The following HOXA13 variants were observed in gnomAD, a reference collection of about 807,000 sequenced individuals.
HOXA13 encodes the protein homeobox protein Hox-A13.
HOXA13 carries 5 observed loss-of-function variants against 25.7 expected under a neutral mutation model. The observed-to-expected ratio is 0.19, with a 90% CI of 0.10 to 0.41. HOXA13 has a LOEUF of 0.41. HOXA13 is among the 10% of genes least tolerant of loss of function. HOXA13 has a pLI of 1.00. For synonymous variants in HOXA13, 284 were observed against 241.1 expected, an observed-to-expected ratio of 1.18 and a Z score of -1.65; for missense variants, 557 against 533.5, an observed-to-expected ratio of 1.04 and a Z score of -0.43.
rs1485061463 is a variant in HOXA13, at chr7:27,197,177, A to G, written c.*1021T>C. On this transcript the variant is annotated 3_prime_UTR_variant, in exon 2 of 2. Transcript: ENST00000649031. ...AAAATACTAATCCCTTAATAGATCA[A>G]AATATAGAATATAGACACCTAAATA... 4 of 206,908 alleles carry G rather than the reference A, an allele frequency of 1.9e-5. No individual in the cohort carries two copies. The highest frequency in any genetic ancestry group is 4.0e-5 in the Non-Finnish European group (4 of 101,262). The allele number at this position is 206,908 out of a possible 1,614,324, so 12.8% of individuals were successfully genotyped here. A position where few individuals can be genotyped will look rare whatever the true frequency, so the allele number is the denominator to read the frequency against.
chr7:27,200,088 G>T lies in HOXA13; in HGVS notation c.-11C>A, dbSNP rs765550223. ...CACGGAGGCTGTCATAGCCCGAGCC[G>T]CATGGAGAAGACCCCAGTGGCGCTG... On this transcript the variant is annotated 5_prime_UTR_variant, in exon 1 of 2. Transcript: ENST00000649031. 6.2e-6 allele frequency: 9 copies of T among 1,445,462 alleles called. No homozygotes were observed. Among genetic ancestry groups the T allele is most frequent in the East Asian group, 6.1e-5 (2 of 32,900 alleles). The allele number at this position is 1,445,462 out of a possible 1,614,324, so 89.5% of individuals were successfully genotyped here. A position where few individuals can be genotyped will look rare whatever the true frequency, so the allele number is the denominator to read the frequency against.
At position 27,199,884 on chromosome 7, in the gene HOXA13, G is replaced by A. The variant is rs1784072258; in HGVS notation, c.194C>T (p.Ala65Val). 8 of 1,067,612 alleles carry A rather than the reference G, an allele frequency of 7.5e-6. No homozygotes were observed. Among genetic ancestry groups the A allele is most frequent in the Non-Finnish European group, 9.1e-6 (8 of 879,880 alleles). The allele number at this position is 1,067,612 out of a possible 1,614,324, so 66.1% of individuals were successfully genotyped here. A position where few individuals can be genotyped will look rare whatever the true frequency, so the allele number is the denominator to read the frequency against. ...CGCCACCGAGAAGTTGCCCCCTGCC[G>A]CCGCAGCCGCCGGGTGGGGGAAGCC... ...GGGFPHPAAAAAGGNFSVAAA... is the reference protein window; with the variant it reads ...GGGFPHPAAAVAGGNFSVAAA... The change falls in exon 1 of 2, where the codon GCG becomes GTG. Residue 65 changes from alanine (A) to valine (V), a missense_variant. Coordinates refer to ENST00000649031, the MANE Select transcript of HOXA13 (RefSeq NM_000522.5).
rs1562520038 is a variant in HOXA13, at chr7:27,196,852, GTAAAGAGTA to G, written c.*1337_*1345del. The G allele has an allele frequency of 5.7e-6, 1 of 175,940 alleles. No individual in the cohort carries two copies. The highest frequency in any genetic ancestry group is 1.2e-5 in the Non-Finnish European group (1 of 81,300). 10.9% of individuals were successfully genotyped at this position (175,940 alleles called of 1,614,324 possible). A position where few individuals can be genotyped will look rare whatever the true frequency, so the allele number is the denominator to read the frequency against. Reference sequence around the variant, plus strand: ...TGCAGTGCACATTTAGCATAGGAAAGTAAAGAGTATTTTCTGCAGATTTTAATGGCAGTG... The same window carrying G: ...TGCAGTGCACATTTAGCATAGGAAAGTTTTCTGCAGATTTTAATGGCAGTG... On this transcript the variant is annotated 3_prime_UTR_variant, in exon 2 of 2. Coordinates refer to ENST00000649031, the MANE Select transcript of HOXA13 (RefSeq NM_000522.5).
Position 27,199,481 on chromosome 7 carries a change from C to A in HOXA13, c.597G>T (p.Ser199=), listed in dbSNP as rs35255035. Residue 199 remains serine (S), a synonymous_variant, in exon 1 of 2, where the codon TCG becomes TCT. Coordinates refer to ENST00000649031, the MANE Select transcript of HOXA13 (RefSeq NM_000522.5). ...CCGCGAAGGCGGCGGCGGCGGCGGC[C>A]GAGGCGGGCTGCGCGCACGACTTGA... ...NAIKSCAQPA[S]AAAAAAFADK... 6.2e-7 allele frequency: 1 copy of A among 1,607,962 alleles called. No homozygotes were observed. The highest frequency in any genetic ancestry group is 2.2e-5 in the East Asian group (1 of 44,634).
In HOXA13 at chr7:27,198,349, C is replaced by T. The variant is rs2115471340; in HGVS notation, c.1016G>A (p.Arg339Gln). 1 of 1,614,188 alleles carries T rather than the reference C, an allele frequency of 6.2e-7. No individual in the cohort carries two copies. Among genetic ancestry groups the T allele is most frequent in the Non-Finnish European group, 8.5e-7 (1 of 1,180,042 alleles). ...YTKVQLKELEREYATNKFITK... is the reference protein window; with the variant it reads ...YTKVQLKELEQEYATNKFITK... The stretch of plus-strand genomic sequence containing the variant: ...AATGAATTTATTCGTGGCGTATTCC[C>T]GTTCAAGTTCTTTTAATTGCACCTT... The change falls in exon 2 of 2, where the codon CGG becomes CAG. Residue 339 changes from arginine (R) to glutamine (Q), a missense_variant. Physicochemically the swap from Arg to Gln is conservative, Grantham distance 43. Transcript: ENST00000649031.
Position 27,199,897 on chromosome 7 carries a change from G to A in HOXA13, c.181C>T (p.Pro61Ser). The change falls in exon 1 of 2, where the codon CCG (proline) becomes TCG (serine). Residue 61 changes from proline (P) to serine (S), a missense_variant. Physicochemically the swap from Pro to Ser is moderately conservative, Grantham distance 74 (BLOSUM62 -1). Coordinates refer to ENST00000649031, the MANE Select transcript of HOXA13 (RefSeq NM_000522.5). ...TTGCCCCCTGCCGCCGCAGCCGCCGGGTGGGGGAAGCCCCCGCCCCCGGCC... is the reference window on the plus strand; with the variant it reads ...TTGCCCCCTGCCGCCGCAGCCGCCGAGTGGGGGAAGCCCCCGCCCCCGGCC... The part of the protein sequence containing the change: ...AGAGGGGFPH[P>S]AAAAAGGNFS... 1 of 1,104,770 alleles carries A rather than the reference G, an allele frequency of 9.1e-7. No homozygotes were observed. The highest frequency in any genetic ancestry group is 1.1e-6 in the Non-Finnish European group (1 of 903,032). 68.4% of individuals were successfully genotyped at this position (1,104,770 alleles called of 1,614,324 possible).
In HOXA13 at chr7:27,199,307, G is replaced by T; in HGVS notation, c.771C>A (p.Gly257=). Reference sequence around the variant, plus strand: ...GGCGCGACTCGCCGGGGCCCCCGAGGCCCGGCACCACTGGCATATCCAGGT... The same window carrying T: ...GGCGCGACTCGCCGGGGCCCCCGAGTCCCGGCACCACTGGCATATCCAGGT... ...PGYLDMPVVP[G]LGGPGESRHE... is the part of the protein sequence containing the mutation. The change falls in exon 1 of 2, where the codon GGC becomes GGA. Residue 257 remains glycine (G), a synonymous_variant. Coordinates refer to ENST00000649031, the MANE Select transcript of HOXA13 (RefSeq NM_000522.5). The T allele has an allele frequency of 6.2e-7, 1 of 1,614,072 alleles. No individual in the cohort carries two copies. The highest frequency in any genetic ancestry group is 8.5e-7 in the Non-Finnish European group (1 of 1,180,008).
rs1304218121 is a variant in HOXA13 at position 27,195,127 on chromosome 7, G to A, written c.*3071C>T. 2 of 152,144 alleles carry A rather than the reference G, an allele frequency of 1.3e-5. No homozygotes were observed. Among genetic ancestry groups the A allele is most frequent in the Non-Finnish European group, 2.9e-5 (2 of 68,028 alleles). The allele number at this position is 152,144 out of a possible 1,614,324, so 9.4% of individuals were successfully genotyped here. On this transcript the variant is annotated 3_prime_UTR_variant, in exon 2 of 2. Transcript: ENST00000649031. ...CCACAAGTGGAGTGAAAATCCTCAG[G>A]GCAGCAAAATATAATTGAATTTCTC...
At chr7:27,198,539 G>C in intron 1 of HOXA13, 97 bp from the exon 2 acceptor site, 2 of 1,442,380 alleles carry the variant, frequency 1.4e-6, no homozygotes, top group South Asian at 1.2e-5. Flanking sequence ...GCAGCGCCCG[G>C]CTGCTCTTTG....
At position 27,199,983 on chromosome 7, in the gene HOXA13, T is replaced by C. The variant is rs1784075022; in HGVS notation, c.95A>G (p.Asn32Ser). The C allele has an allele frequency of 1.4e-6, 2 of 1,458,742 alleles. No individual in the cohort carries two copies. The highest frequency in any genetic ancestry group is 1.8e-6 in the Non-Finnish European group (2 of 1,090,682). The allele number at this position is 1,458,742 out of a possible 1,614,324, so 90.4% of individuals were successfully genotyped here. A position where few individuals can be genotyped will look rare whatever the true frequency, so the allele number is the denominator to read the frequency against. ...CGCCGCCGCCCCTTCCATGTTCTTG[T>C]TGAGCTCGTCGGCCACCAGGCCGCC... ...NGGGLVADEL[N>S]KNMEGAAAAA... Residue 32 changes from asparagine (N) to serine (S), a missense_variant, in exon 1 of 2, where the codon AAC becomes AGC. By Grantham distance (46) the Asn-to-Ser change is conservative. Coordinates refer to ENST00000649031, the MANE Select transcript of HOXA13 (RefSeq NM_000522.5).
rs549666985 is a variant in HOXA13 at position 27,197,128 on chromosome 7, C to T, written c.*1070G>A. The T allele has an allele frequency of 1.0e-4, 21 of 208,098 alleles. No individual in the cohort carries two copies. Among genetic ancestry groups the T allele is most frequent in the African/African-American group, 4.1e-4 (18 of 44,034 alleles). 12.9% of individuals were successfully genotyped at this position (208,098 alleles called of 1,614,324 possible). On this transcript the variant is annotated 3_prime_UTR_variant, in exon 2 of 2. Coordinates refer to ENST00000649031, the MANE Select transcript of HOXA13 (RefSeq NM_000522.5). ...ATGAATCACTAATCTTTCTAATGCA[C>T]TCTGATAACACAATAAACATGGAAA...
Position 27,199,889 on chromosome 7 carries a change from A to G in HOXA13, c.189T>C (p.Ala63=). Residue 63 remains alanine (A), a synonymous_variant, in exon 1 of 2, where the codon GCT becomes GCC. Transcript: ENST00000649031. Reference sequence around the variant, plus strand: ...CCGAGAAGTTGCCCCCTGCCGCCGCAGCCGCCGGGTGGGGGAAGCCCCCGC... The same window carrying G: ...CCGAGAAGTTGCCCCCTGCCGCCGCGGCCGCCGGGTGGGGGAAGCCCCCGC... ...AGGGGFPHPA[A]AAAGGNFSVA... is the part of the protein sequence containing the mutation. 9.4e-7 allele frequency: 1 copy of G among 1,068,638 alleles called. No homozygotes were observed. 66.2% of individuals were successfully genotyped at this position (1,068,638 alleles called of 1,614,324 possible).
In HOXA13 at chr7:27,196,101, T is replaced by C. The variant is rs1784001364; in HGVS notation, c.*2097A>G. On this transcript the variant is annotated 3_prime_UTR_variant, in exon 2 of 2. Coordinates refer to ENST00000649031, the MANE Select transcript of HOXA13 (RefSeq NM_000522.5). ...CCTCAATTCTAGAAATCACCTTAAATTACAATATCTTGCGTCATTAGCAAT... is the reference window on the plus strand; with the variant it reads ...CCTCAATTCTAGAAATCACCTTAAACTACAATATCTTGCGTCATTAGCAAT... 1 of 152,228 alleles carries C rather than the reference T, an allele frequency of 6.6e-6. No homozygotes were observed. The highest frequency in any genetic ancestry group is 2.4e-5 in the African/African-American group (1 of 41,454). The allele number at this position is 152,228 out of a possible 1,614,324, so 9.4% of individuals were successfully genotyped here.
chr7:27,198,593 C>T, intron 1 of HOXA13, 151 bp from the exon 2 acceptor site: 1 of 885,638 alleles, frequency 1.1e-6, no homozygotes, highest in East Asian at 2.6e-5. Context: ...CCTAGAGGGT[C>T]AGTGGGGAAG....
rs531357148 is a variant in HOXA13 at position 27,196,384 on chromosome 7, C to T, written c.*1814G>A. On this transcript the variant is annotated 3_prime_UTR_variant, in exon 2 of 2. Transcript: ENST00000649031. Reference sequence around the variant, plus strand: ...AGGCTTGTCAACGCGAGGTGGCGCCCTTGATCTACTAATCCAGCTAAGGCC... The same window carrying T: ...AGGCTTGTCAACGCGAGGTGGCGCCTTTGATCTACTAATCCAGCTAAGGCC... 1 of 152,304 alleles carries T rather than the reference C, an allele frequency of 6.6e-6. No individual in the cohort carries two copies. Among genetic ancestry groups the T allele is most frequent in the Non-Finnish European group, 1.5e-5 (1 of 68,030 alleles). The allele number at this position is 152,304 out of a possible 1,614,324, so 9.4% of individuals were successfully genotyped here. A position where few individuals can be genotyped will look rare whatever the true frequency, so the allele number is the denominator to read the frequency against.
At position 27,198,441 on chromosome 7, in the gene HOXA13, G is replaced by T. The variant is rs142315866; in HGVS notation, c.924C>A (p.Asp308Glu). The change falls in exon 2 of 2, where the codon GAC (aspartate) becomes GAA (glutamate). Residue 308 changes from aspartate (D) to glutamate (E), a missense_variant and splice_region_variant. Coordinates refer to ENST00000649031, the MANE Select transcript of HOXA13 (RefSeq NM_000522.5). ...TGGCATCCGAGGGATGGGAGACCAC[G>T]TCTAGAAGACAAGGGAGAAGGCAAG... ...PPHLWKSTLPDVVSHPSDASS... is the reference protein window; with the variant it reads ...PPHLWKSTLPEVVSHPSDASS... 1.8e-5 allele frequency: 29 copies of T among 1,613,648 alleles called. No homozygotes were observed. The highest frequency in any genetic ancestry group is 2.5e-5 in the Non-Finnish European group (29 of 1,180,032).
At position 27,197,616 on chromosome 7, in the gene HOXA13, C is replaced by T. The variant is rs1261654669; in HGVS notation, c.*582G>A. The T allele has an allele frequency of 8.9e-6, 2 of 225,652 alleles. No homozygotes were observed. Among genetic ancestry groups the T allele is most frequent in the Non-Finnish European group, 8.8e-6 (1 of 113,670 alleles). 14.0% of individuals were successfully genotyped at this position (225,652 alleles called of 1,614,324 possible). On this transcript the variant is annotated 3_prime_UTR_variant, in exon 2 of 2. Coordinates refer to ENST00000649031, the MANE Select transcript of HOXA13 (RefSeq NM_000522.5). ...CAAATGATCCTCAGAAGAGTTTTCT[C>T]TCCCTTTCTCCCTTCACAGCAAATA...
Position 27,198,714 on chromosome 7 carries a change from C to T in HOXA13, c.923-272G>A, listed in dbSNP as rs540841405. 12 of 560,068 alleles carry T rather than the reference C, an allele frequency of 2.1e-5. No individual in the cohort carries two copies. In the East Asian group the frequency reaches 2.4e-4, roughly 11 times the overall value. 34.7% of individuals were successfully genotyped at this position (560,068 alleles called of 1,614,324 possible). A position where few individuals can be genotyped will look rare whatever the true frequency, so the allele number is the denominator to read the frequency against. On this transcript the variant is annotated intron_variant, in intron 1 of 1. Transcript: ENST00000649031. ...AGCCTCGAGTGATAGCCTGGTCCAA[C>T]GGCCCACACCTTAGCGCCAGGCTCA...
At position 27,199,668 on chromosome 7, in the gene HOXA13, C is replaced by A; in HGVS notation, c.410G>T (p.Gly137Val). ...CGCCGGGCCCGCCGGGCCGGGACCT[C>A]CCGAGGACGACGCGGCGGCGGCGGC... ...AAAAAAASSS[G>V]GPGPAGPAGA... The change falls in exon 1 of 2, where the codon GGA becomes GTA. Residue 137 changes from glycine to valine, a missense_variant. Physicochemically the swap from Gly to Val is moderately radical, Grantham distance 109. Transcript: ENST00000649031. The A allele has an allele frequency of 8.4e-7, 1 of 1,190,438 alleles. No individual in the cohort carries two copies. Among genetic ancestry groups the A allele is most frequent in the Non-Finnish European group, 1.0e-6 (1 of 963,976 alleles). The allele number at this position is 1,190,438 out of a possible 1,614,324, so 73.7% of individuals were successfully genotyped here.
Sources: allele counts gnomAD v4.1 joint callset, GRCh38; gene constraint gnomAD v4.1.1; transcripts MANE v1.5; gene names NCBI Gene and HGNC (gene_info 2026-07-23, HGNC 2026-07-21).